Variants in EHF observed in about 807,000 individuals in gnomAD.
EHF encodes ESE3 transcription factor.
In EHF, 14 loss-of-function variants were observed where a neutral mutation model predicts 45.1. That is an observed-to-expected ratio of 0.31 (90% confidence interval 0.21 to 0.49). The LOEUF is 0.49. EHF is among the 20% of genes least tolerant of loss of function. The probability of loss-of-function intolerance (pLI) is 0.99; values close to 1 mark genes in which losing one functional copy is unlikely to be tolerated. For synonymous variants in EHF, 136 were observed against 131.8 expected (o/e 1.03, Z -0.22); for missense variants, 282 against 371.4 (o/e 0.76, Z 1.98).
intron 6 of EHF, among the ~76,000 whole-genome samples, chr11:34,655,890 A>G (rs188494511): frequency 6.6e-6 from 1 of 152,344 alleles, no homozygotes; most frequent in Admixed American, 6.5e-5. Flanking sequence ...TGAAGGCCAC[A>G]CTGGGTCAGT....
intron 6 of EHF, among the ~76,000 whole-genome samples, chr11:34,653,243 G>A (rs1855369283): frequency 6.6e-6 from 1 of 151,976 alleles, no homozygotes; most frequent in Non-Finnish European, 1.5e-5. Context: ...TAAGAATAAA[G>A]CTGAACCAAC....
chr11:34,633,948 C>G (rs1194656390), intron 1 of EHF, among the ~76,000 whole-genome samples: 1 of 152,110 alleles, frequency 6.6e-6, no homozygotes, highest in Non-Finnish European at 1.5e-5. Flanking sequence ...CAGACTTGGC[C>G]TCCCAGTGCT....
intron 1 of EHF, among the ~76,000 whole-genome samples, chr11:34,636,077 G>T (rs1044609717): frequency 1.3e-5 from 2 of 152,158 alleles, no homozygotes; most frequent in South Asian, 2.1e-4. Context: ...TTGAAGCTTT[G>T]CTCGAAATGA....
At chr11:34,639,938 C>T (rs942959114) in intron 1 of EHF, among the ~76,000 whole-genome samples, 4 of 151,922 alleles carry the variant, frequency 2.6e-5, no homozygotes, top group Non-Finnish European at 4.4e-5. Flanking sequence ...TGGAAAATGA[C>T]GTCGGCCCTG....
rs1320423901 is a variant in EHF, at chr11:34,658,846, G to A, written c.818G>A (p.Arg273Lys). 2 of 1,611,910 alleles carry A rather than the reference G, an allele frequency of 1.2e-6. No homozygotes were observed. Among genetic ancestry groups the A allele is most frequent in the Non-Finnish European group, 8.5e-7 (1 of 1,179,336 alleles). The change falls in exon 9 of 9, where the codon AGA becomes AAA. Residue 273 changes from arginine (R) to lysine (K), a missense_variant. Physicochemically the swap from Arg to Lys is conservative, Grantham distance 26. This residue lies in a region of EHF where 28 missense variants were observed against 37.1 expected (regional missense o/e 0.76). Coordinates refer to ENST00000257831, the MANE Select transcript of EHF (RefSeq NM_012153.6). Reference protein sequence around the residue: ...LSRAMRYYYKREILERVDGRR... With the variant: ...LSRAMRYYYKKEILERVDGRR... ...CTTTGTTACAGATATTACTACAAAAGAGAAATTCTGGAGCGTGTGGATGGA... is the reference window on the plus strand; with the variant it reads ...CTTTGTTACAGATATTACTACAAAAAAGAAATTCTGGAGCGTGTGGATGGA...
chr11:34,652,666 T>G (rs899245977), intron 6 of EHF, among the ~76,000 whole-genome samples: 4 of 152,182 alleles, frequency 2.6e-5, no homozygotes, highest in African/African-American at 9.6e-5. Context: ...GAATTAAATT[T>G]GGAGCAACTT....
chr11:34,642,500 G>A lies in EHF; in HGVS notation c.-3-128G>A, dbSNP rs1349784647. The A allele has an allele frequency of 1.6e-5, 10 of 609,822 alleles. No homozygotes were observed. The East Asian group carries it at 2.0e-4, about 12-fold the overall frequency. 37.8% of individuals were successfully genotyped at this position (609,822 alleles called of 1,614,324 possible). A position where few individuals can be genotyped will look rare whatever the true frequency, so the allele number is the denominator to read the frequency against. ...TTTTACAAAAAACGCTTTGGCAATG[G>A]GTGGCAGGCAATGGGTGGAAGGACA... On this transcript the variant is annotated intron_variant, in intron 1 of 8. Coordinates refer to ENST00000257831, the MANE Select transcript of EHF (RefSeq NM_012153.6).
At chr11:34,644,513 C>T (rs548662527) in intron 2 of EHF, among the ~76,000 whole-genome samples, 11 of 152,326 alleles carry the variant, frequency 7.2e-5, no homozygotes, top group Admixed American at 2.6e-4. Flanking sequence ...GCTTTTGTTT[C>T]GCCATGAGGT....
chr11:34,643,065 G>GGTGTGTGTGTGTGT (rs76080001), intron 2 of EHF, among the ~76,000 whole-genome samples: 2 of 144,940 alleles, frequency 1.4e-5, no homozygotes, highest in African/African-American at 5.4e-5. Flanking sequence ...GGAGAGAAAG[G>GGTGTGTGTGTGTGT]GTATGTGTGT....
At chr11:34,645,324 T>C (rs1279596065) in intron 2 of EHF, among the ~76,000 whole-genome samples, 1 of 152,234 alleles carries the variant, frequency 6.6e-6, no homozygotes, top group Non-Finnish European at 1.5e-5. Flanking sequence ...GGCATCTGAA[T>C]GTACCATCTT....
rs761157666 is a variant in EHF at position 34,646,688 on chromosome 11, ACTCT to A, written c.343+9_343+12del. 6.2e-7 allele frequency: 1 copy of A among 1,607,410 alleles called. No homozygotes were observed. The highest frequency in any genetic ancestry group is 8.5e-7 in the Non-Finnish European group (1 of 1,179,916). On this transcript the variant is annotated splice_donor_5th_base_variant and intron_variant, in intron 3 of 8. Transcript: ENST00000257831. ...TTGCAGCATCTGAAGTGGAACGGTG[ACTCT>A]CTCTTTCTGTGTCTCTCCCTACCCT...
intron 1 of EHF, chr11:34,632,602 G>T (rs925456460): frequency 1.3e-6 from 2 of 1,535,486 alleles, no homozygotes; most frequent in Admixed American, 2.0e-5. Flanking sequence ...GGGGTTGCCG[G>T]AGAGAAGAGG....
rs772579892 is a variant in EHF, at chr11:34,658,946, T to G, written c.*15T>G. 11 of 1,596,190 alleles carry G rather than the reference T, an allele frequency of 6.9e-6. No homozygotes were observed. In the East Asian group the frequency reaches 2.5e-4, roughly 36 times the overall value. On this transcript the variant is annotated 3_prime_UTR_variant, in exon 9 of 9. Transcript: ENST00000257831. Reference sequence around the variant, plus strand: ...ATGAAAACTGAAGCTGCCAATACTTTGGACACAAACCAAAACACACACCAA... The same window carrying G: ...ATGAAAACTGAAGCTGCCAATACTTGGGACACAAACCAAAACACACACCAA...
intron 2 of EHF, 41 bp downstream of exon 2, chr11:34,642,768 G>A: frequency 1.4e-6 from 2 of 1,438,674 alleles, no homozygotes; most frequent in Non-Finnish European, 2.0e-6. Context: ...GCTGTGCTGT[G>A]TGGGCTCTTT....
chr11:34,626,997 GAGTAAATAATT>G (rs1473817200), intron 1 of EHF, among the ~76,000 whole-genome samples: 1 of 152,194 alleles, frequency 6.6e-6, no homozygotes, highest in Admixed American at 6.5e-5. Context: ...AAAAGCTTGT[GAGTAAATAATT>G]AGTAATTTGT....
chr11:34,637,347 G>T (rs986135346), intron 1 of EHF, among the ~76,000 whole-genome samples: 4 of 152,192 alleles, frequency 2.6e-5, no homozygotes, highest in African/African-American at 9.7e-5. Flanking sequence ...ATGGGGCTGG[G>T]ATGTGTCTCT....
At chr11:34,657,463 C>T (rs977430717) in intron 7 of EHF, among the ~76,000 whole-genome samples, 2 of 151,988 alleles carry the variant, frequency 1.3e-5, no homozygotes, top group Non-Finnish European at 2.9e-5. Flanking sequence ...TGAACATATA[C>T]GAAATATCAG....
chr11:34,637,319 G>C (rs1853531741), intron 1 of EHF, among the ~76,000 whole-genome samples: 1 of 152,198 alleles, frequency 6.6e-6, no homozygotes, highest in Non-Finnish European at 1.5e-5. Flanking sequence ...GGCGAAGCAA[G>C]CCTGGAGAAG....
intron 1 of EHF, among the ~76,000 whole-genome samples, chr11:34,633,681 A>G (rs1161475116): frequency 6.6e-6 from 1 of 152,192 alleles, no homozygotes; most frequent in Non-Finnish European, 1.5e-5. Context: ...GAGGAGAGTC[A>G]AAGTTTCTTT....
Sources: gnomAD v4.1 joint callset for allele counts (sites outside exome capture counted in the v4.1 genomes callset) on GRCh38, gnomAD v4.1.1 for gene constraint, gnomAD v4.1.1 regional missense constraint, MANE v1.5 for transcripts, NCBI Gene and HGNC (gene_info 2026-07-23, HGNC 2026-07-21) for gene names.